Variants in ARL15 observed in about 807,000 individuals in gnomAD.
ARL15 encodes the protein ADP-ribosylation factor-like protein 15.
In ARL15, 19 loss-of-function variants were observed where a neutral mutation model predicts 25.2. The observed-to-expected ratio is 0.75, with a 90% CI of 0.53 to 1.10. ARL15 has a LOEUF of 1.10. Among genes scored for constraint, ARL15 ranks in the 50% least tolerant of loss-of-function variants. The pLI, the probability that ARL15 is intolerant of heterozygous loss-of-function variation, is 0.00. For missense variants in ARL15, 220 were observed against 246.0 expected, an observed-to-expected ratio of 0.89 and a Z score of 0.71; for synonymous variants, 94 against 86.8, an observed-to-expected ratio of 1.08 and a Z score of -0.46.
chr5:54,297,129 G>C (rs1758484016), intron 1 of ARL15, among the ~76,000 whole-genome samples: 1 of 152,214 alleles, frequency 6.6e-6, no homozygotes, highest in Non-Finnish European at 1.5e-5. Flanking sequence ...TACTGGATTC[G>C]TAAGACTCTC....
intron 3 of ARL15, among the ~76,000 whole-genome samples, chr5:54,141,146 A>AT (rs397841194): frequency 6.6e-5 from 10 of 150,442 alleles, no homozygotes; most frequent in African/African-American, 1.2e-4. Flanking sequence ...TGAATCTGTC[A>AT]TTTTTTTTTA....
chr5:53,911,260 T>C (rs968032382), intron 4 of ARL15, among the ~76,000 whole-genome samples: 26 of 152,198 alleles, frequency 1.7e-4, no homozygotes, highest in Non-Finnish European at 1.5e-5. Flanking sequence ...CTTCAGTAGG[T>C]CAAGTCCCTT....
intron 1 of ARL15, among the ~76,000 whole-genome samples, chr5:54,293,015 T>A (rs1758374140): frequency 2.0e-5 from 3 of 152,194 alleles, no homozygotes; most frequent in Non-Finnish European, 4.4e-5. Context: ...TGTTCAAATG[T>A]ACTGTATATA....
In ARL15 at chr5:54,003,763, C is replaced by T. The variant is rs562287665; in HGVS notation, c.462+109439G>A. 7.9e-5 allele frequency among the ~76,000 whole-genome samples: 11 copies of T among 138,998 alleles called. No individual in the cohort carries two copies. In the East Asian group the frequency reaches 2.5e-3, roughly 31 times the overall value. 91.2% of individuals were successfully genotyped at this position (138,998 alleles called of 152,430 possible). A position where few individuals can be genotyped will look rare whatever the true frequency, so the allele number is the denominator to read the frequency against. On this transcript the variant is annotated intron_variant, in intron 4 of 4. Transcript: ENST00000504924. ...ACTTGAGAAATTTAGAAACATCATT[C>T]TTGTGCCCCTCCTTTTAAAAACGAA...
chr5:54,063,571 C>T (rs1751131333), intron 4 of ARL15, among the ~76,000 whole-genome samples: 1 of 152,190 alleles, frequency 6.6e-6, no homozygotes. Flanking sequence ...GCTTCTACTA[C>T]TTTGACTTTG....
chr5:54,123,165 A>C (rs1167769922), intron 3 of ARL15, among the ~76,000 whole-genome samples: 1 of 150,142 alleles, frequency 6.7e-6, no homozygotes, highest in East Asian at 2.0e-4. Context: ...GCTGGAGTGC[A>C]ATGGTGCCAT....
At chr5:53,950,443 G>A (rs756042066) in intron 4 of ARL15, among the ~76,000 whole-genome samples, 2 of 152,132 alleles carry the variant, frequency 1.3e-5, no homozygotes, top group African/African-American at 2.4e-5. Flanking sequence ...TGGAGACAGA[G>A]GGGGAATCTG....
At position 54,218,094 on chromosome 5, in the gene ARL15, T is replaced by C. The variant is rs868529499; in HGVS notation, c.49-46166A>G. Among the ~76,000 whole-genome samples the C allele has an allele frequency of 2.0e-5, 3 of 151,980 alleles. No homozygotes were observed. The South Asian group carries it at 6.2e-4, about 32-fold the overall frequency. The stretch of plus-strand genomic sequence containing the variant: ...ACAACTTTTACCAGTGCCTAGGGAG[T>C]GTTTCCAAGAGCAACCTCCCATTTA... On this transcript the variant is annotated intron_variant, in intron 1 of 4. Coordinates refer to ENST00000504924, the MANE Select transcript of ARL15 (RefSeq NM_019087.3).
At position 54,074,452 on chromosome 5, in the gene ARL15, T is replaced by A. The variant is rs571938676; in HGVS notation, c.462+38750A>T. Among the ~76,000 whole-genome samples the A allele has an allele frequency of 6.6e-5, 10 of 152,280 alleles. No individual in the cohort carries two copies. The South Asian group carries it at 2.1e-3, about 32-fold the overall frequency. ...TGTTGTAAATCCAAGAGTAAGCTAA[T>A]AAACAACTGAGAAGAAGGAAGAAGA... On this transcript the variant is annotated intron_variant, in intron 4 of 4. Transcript: ENST00000504924.
chr5:54,276,877 G>C (rs1324301865), intron 1 of ARL15, among the ~76,000 whole-genome samples: 1 of 152,096 alleles, frequency 6.6e-6, no homozygotes, highest in Non-Finnish European at 1.5e-5. Context: ...GCACAAAGGG[G>C]CAAAAAATGG....
chr5:54,028,895 G>A (rs1377243452), intron 4 of ARL15, among the ~76,000 whole-genome samples: 1 of 152,050 alleles, frequency 6.6e-6, no homozygotes, highest in Non-Finnish European at 1.5e-5. Flanking sequence ...GGTGGTATGC[G>A]CCTATAGTCC....
chr5:54,069,542 C>G (rs1579762034), intron 4 of ARL15, among the ~76,000 whole-genome samples: 1 of 62,550 alleles, frequency 1.6e-5, no homozygotes, highest in Non-Finnish European at 2.7e-5. Context: ...GCCTGGGTGA[C>G]AACAGCAAAA....
At chr5:54,109,819 G>C (rs1752690215) in intron 4 of ARL15, among the ~76,000 whole-genome samples, 1 of 151,920 alleles carries the variant, frequency 6.6e-6, no homozygotes, top group Non-Finnish European at 1.5e-5. Flanking sequence ...GTTGATATGA[G>C]TAAATTCTGG....
intron 2 of ARL15, among the ~76,000 whole-genome samples, chr5:54,166,640 A>G (rs1754576726): frequency 6.6e-6 from 1 of 152,096 alleles, no homozygotes; most frequent in Non-Finnish European, 1.5e-5. Context: ...CATGGACTCA[A>G]ATTACCCTAG....
At chr5:54,207,520 A>T (rs1755903880) in intron 1 of ARL15, among the ~76,000 whole-genome samples, 1 of 152,232 alleles carries the variant, frequency 6.6e-6, no homozygotes, top group South Asian at 2.1e-4. Flanking sequence ...TGGCAGGTTG[A>T]ATACAGTCAT....
intron 1 of ARL15, among the ~76,000 whole-genome samples, chr5:54,239,800 G>T (rs971542749): frequency 5.9e-5 from 9 of 152,124 alleles, no homozygotes; most frequent in Non-Finnish European, 1.3e-4. Flanking sequence ...CAACGAGATG[G>T]GAGGCTGGGT....
In ARL15 at chr5:53,885,955, C is replaced by T. The variant is rs1298521493; in HGVS notation, c.*606G>A. Reference sequence around the variant, plus strand: ...ATGTAATCAAGAAAACATTGTGTAACTTGCCTCTAAGCTCTTCAGAGCCAA... The same window carrying T: ...ATGTAATCAAGAAAACATTGTGTAATTTGCCTCTAAGCTCTTCAGAGCCAA... On this transcript the variant is annotated 3_prime_UTR_variant, in exon 5 of 5. Transcript: ENST00000504924. 6.6e-6 allele frequency: 1 copy of T among 151,942 alleles called. No individual in the cohort carries two copies. The highest frequency in any genetic ancestry group is 2.4e-5 in the African/African-American group (1 of 41,380). The allele number at this position is 151,942 out of a possible 1,614,324, so 9.4% of individuals were successfully genotyped here. A position where few individuals can be genotyped will look rare whatever the true frequency, so the allele number is the denominator to read the frequency against.
chr5:53,890,952 G>A (rs10067999), intron 4 of ARL15, among the ~76,000 whole-genome samples: 1 of 152,062 alleles, frequency 6.6e-6, no homozygotes, highest in Non-Finnish European at 1.5e-5. Flanking sequence ...TCCTTTCCTA[G>A]GTCCAGGATC....
intron 4 of ARL15, among the ~76,000 whole-genome samples, chr5:54,059,349 AAT>A (rs1447713565): frequency 1.3e-5 from 2 of 152,208 alleles, no homozygotes; most frequent in Non-Finnish European, 2.9e-5. Flanking sequence ...CGACCTTGAG[AAT>A]ACAAAGTGAT....
Sources: gnomAD v4.1 joint callset for allele counts (sites outside exome capture counted in the v4.1 genomes callset) on GRCh38, gnomAD v4.1.1 for gene constraint, MANE v1.5 for transcripts, NCBI Gene and HGNC (gene_info 2026-07-23, HGNC 2026-07-21) for gene names.